The following NXNL2 variants were observed in gnomAD, a reference collection of about 807,000 sequenced individuals.
NXNL2 encodes the protein nucleoredoxin-like protein 2.
A neutral mutation model predicts 11.1 loss-of-function variants in NXNL2; 7 were observed. The observed-to-expected ratio is 0.63, with a 90% CI of 0.36 to 1.18. The LOEUF is 1.18. Ranked by LOEUF, NXNL2 falls within the 50% of genes most tolerant of loss-of-function variation. The pLI is 0.02. For missense variants in NXNL2, 233 were observed against 217.7 expected (o/e 1.07, Z -0.44); for synonymous variants, 109 against 101.8 (o/e 1.07, Z -0.42).
rs562639969 is a variant in NXNL2 at position 88,570,982 on chromosome 9, A to T, written c.303-105A>T. On this transcript the variant is annotated intron_variant, in intron 1 of 2. Coordinates refer to the NXNL2 transcript ENST00000375855. ...GGTCTCAAACTCCTGACCTCAGGTG[A>T]TCCACCCGAGTTGGCCTCCCAAAGT... is the stretch of plus-strand genomic sequence containing the variant. 706 of 335,144 alleles carry T rather than the reference A, an allele frequency of 2.1e-3. 1 individual carries two copies. Among genetic ancestry groups the T allele is most frequent in the Non-Finnish European group, 3.1e-3 (543 of 173,922 alleles). 20.8% of individuals were successfully genotyped at this position (335,144 alleles called of 1,614,324 possible).
chr9:88,582,207 A>G (rs545845543), intron 1 of NXNL2, among the ~76,000 whole-genome samples: 4 of 152,324 alleles, frequency 2.6e-5, no homozygotes, highest in East Asian at 1.9e-4. Flanking sequence ...ACCTGGGTGC[A>G]GTGGCTCACG....
rs893054967 is a variant in NXNL2 at position 88,558,110 on chromosome 9, G to A, written c.303-12977G>A. ...GGTTGGGGGCCCCTGAATAGCCTCA[G>A]GATGGGGCTGGTTCCCAGGGGAACC... is the stretch of plus-strand genomic sequence containing the variant. On this transcript the variant is annotated intron_variant, in intron 1 of 2. Transcript: ENST00000375855. 9.2e-5 allele frequency among the ~76,000 whole-genome samples: 14 copies of A among 152,170 alleles called. 1 individual carries two copies. The highest frequency in any genetic ancestry group is 7.9e-4 in the Admixed American group (12 of 15,282).
chr9:88,579,699 C>G (rs538941892), downstream of NXNL2, among the ~76,000 whole-genome samples: 1 of 152,054 alleles, frequency 6.6e-6, no homozygotes, highest in Non-Finnish European at 1.5e-5. Flanking sequence ...CTTATGACTG[C>G]GAGTCAAGGG....
At chr9:88,542,730 G>A (rs1279586718) in intron 1 of NXNL2, among the ~76,000 whole-genome samples, 1 of 152,162 alleles carries the variant, frequency 6.6e-6, no homozygotes, top group Non-Finnish European at 1.5e-5. Context: ...CTTCATAGAT[G>A]TTTGGAAATA....
At chr9:88,545,853 G>A (rs562946268), downstream of NXNL2, among the ~76,000 whole-genome samples, 38 of 151,946 alleles carry the variant, frequency 2.5e-4, no homozygotes, top group African/African-American at 8.0e-4. Context: ...TGCAACCTCC[G>A]CCTCCTGGGT....
intron 1 of NXNL2, among the ~76,000 whole-genome samples, chr9:88,554,124 GC>G (rs1434271605): frequency 2.0e-5 from 3 of 152,184 alleles, no homozygotes; most frequent in Non-Finnish European, 4.4e-5. Flanking sequence ...CAGGGATAAA[GC>G]TCAGAGGGAG....
chr9:88,540,601 T>A (rs1325715241), intron 1 of NXNL2, among the ~76,000 whole-genome samples: 4 of 152,208 alleles, frequency 2.6e-5, no homozygotes, highest in Admixed American at 6.5e-5. Flanking sequence ...TTTGGCTGAG[T>A]GGTCTCTGCT....
chr9:88,581,644 C>CGG (rs1440036118), intron 1 of NXNL2, among the ~76,000 whole-genome samples: 1 of 152,092 alleles, frequency 6.6e-6, no homozygotes, highest in East Asian at 1.9e-4. Flanking sequence ...TTAGTGGAGA[C>CGG]GGGGTTTCTC....
At chr9:88,580,174 AT>A (rs1830394312), downstream of NXNL2, among the ~76,000 whole-genome samples, 1 of 136,654 alleles carries the variant, frequency 7.3e-6, no homozygotes, top group East Asian at 2.5e-4. Flanking sequence ...TTTTTTTGAG[AT>A]GGAGTTTCAC....
chr9:88,545,901 G>A (rs1453301875), downstream of NXNL2, among the ~76,000 whole-genome samples: 1 of 151,984 alleles, frequency 6.6e-6, no homozygotes, highest in African/African-American at 2.4e-5. Flanking sequence ...CGAGTAGCTG[G>A]GATTACAGGC....
chr9:88,563,465 C>G (rs568919413), intron 1 of NXNL2, among the ~76,000 whole-genome samples: 3 of 152,200 alleles, frequency 2.0e-5, no homozygotes, highest in Non-Finnish European at 4.4e-5. Context: ...GCATCTATCT[C>G]GAACCGCCCA....
downstream of NXNL2, among the ~76,000 whole-genome samples, chr9:88,547,951 G>T (rs1228468190): frequency 6.6e-6 from 1 of 151,646 alleles, no homozygotes; most frequent in Non-Finnish European, 1.5e-5. Flanking sequence ...AGGAGGCAGA[G>T]GTTGCAGTGA....
At chr9:88,582,757 C>T (rs183349597) in intron 1 of NXNL2, among the ~76,000 whole-genome samples, 1,570 of 152,114 alleles carry the variant, frequency 0.01, 15 homozygotes, top group Middle Eastern at 0.031. Context: ...CAACCTCCAC[C>T]TCCTGGGTTC....
chr9:88,560,111 T>A (rs183604798), intron 1 of NXNL2, among the ~76,000 whole-genome samples: 2 of 152,130 alleles, frequency 1.3e-5, no homozygotes, highest in East Asian at 3.9e-4. Flanking sequence ...CTAATACACA[T>A]CCTTAGGCAG....
chr9:88,562,905 T>A (rs1012993837), intron 1 of NXNL2, among the ~76,000 whole-genome samples: 1 of 151,974 alleles, frequency 6.6e-6, no homozygotes, highest in Non-Finnish European at 1.5e-5. Context: ...CTGGCCAACA[T>A]GGTGAAACCC....
At chr9:88,548,779 C>T (rs116489568), downstream of NXNL2, among the ~76,000 whole-genome samples, 233 of 151,908 alleles carry the variant, frequency 1.5e-3, 1 homozygote, top group African/African-American at 5.0e-3. Flanking sequence ...TGTTTCTGTC[C>T]GGTATAATCC....
intron 1 of NXNL2, among the ~76,000 whole-genome samples, chr9:88,552,617 C>CCCA (rs1476710440): frequency 1.3e-5 from 2 of 151,848 alleles, no homozygotes; most frequent in Admixed American, 6.6e-5. Context: ...ACTACAGGTG[C>CCCA]CCACCACCAC....
At chr9:88,583,623 G>A (rs140948573) in intron 1 of NXNL2, among the ~76,000 whole-genome samples, 29 of 152,316 alleles carry the variant, frequency 1.9e-4, no homozygotes, top group African/African-American at 3.1e-4. Flanking sequence ...GACTTTGGTC[G>A]TGGTGGTGGT....
intron 1 of NXNL2, among the ~76,000 whole-genome samples, chr9:88,555,660 C>G (rs1026974233): frequency 6.6e-6 from 1 of 152,158 alleles, no homozygotes; most frequent in African/African-American, 2.4e-5. Context: ...GAAAAAAGCC[C>G]TGGCGATTCT....
Sources: allele counts gnomAD v4.1 joint callset (sites outside exome capture counted in the v4.1 genomes callset), GRCh38; gene constraint gnomAD v4.1.1; transcripts MANE v1.5; gene names NCBI Gene and HGNC (gene_info 2026-07-23, HGNC 2026-07-21).